The following ZRANB3 variants were observed in gnomAD, a reference collection of about 807,000 sequenced individuals.
ZRANB3 encodes the protein zinc finger RANBP2-type containing 3.
A neutral mutation model predicts 133.8 loss-of-function variants in ZRANB3; 125 were observed. That is an observed-to-expected ratio of 0.93 (90% CI 0.81 to 1.08). The LOEUF is 1.08. Ranked by LOEUF, ZRANB3 falls within the 50% of genes least tolerant of loss-of-function variation. The pLI, the probability that ZRANB3 is intolerant of heterozygous loss-of-function variation, is 0.00. For synonymous variants in ZRANB3, 387 were observed against 432.7 expected (o/e 0.89, Z 1.31); for missense variants, 1,229 against 1,275.5 (o/e 0.96, Z 0.56).
chr2:135,322,287 T>C (rs996958886), intron 6 of ZRANB3, among the ~76,000 whole-genome samples: 11 of 152,214 alleles, frequency 7.2e-5, no homozygotes, highest in African/African-American at 2.7e-4. Context: ...TTTTCTTCTT[T>C]TTCAAAGTTC....
At chr2:135,367,822 T>G (rs1350480966) in intron 3 of ZRANB3, among the ~76,000 whole-genome samples, 1 of 152,172 alleles carries the variant, frequency 6.6e-6, no homozygotes, top group African/African-American at 2.4e-5. Context: ...GTCCCTTGTT[T>G]TCCCAATATA....
intron 2 of ZRANB3, among the ~76,000 whole-genome samples, chr2:135,424,848 C>T (rs1004090946): frequency 1.3e-5 from 2 of 152,218 alleles, no homozygotes; most frequent in African/African-American, 4.8e-5. Flanking sequence ...CCTAAAGCCA[C>T]TCCTACAAAA....
At chr2:135,353,325 C>A in intron 4 of ZRANB3, 125 bp downstream of exon 4, 1 of 536,128 alleles carries the variant, frequency 1.9e-6, no homozygotes, top group Non-Finnish European at 3.0e-6. Context: ...AAATAAAATT[C>A]TCCATACTAC....
At chr2:135,371,370 C>T (rs1193258719) in intron 3 of ZRANB3, among the ~76,000 whole-genome samples, 3 of 152,146 alleles carry the variant, frequency 2.0e-5, no homozygotes, top group Admixed American at 1.3e-4. Context: ...GCTATTAGTG[C>T]TTTGTGCTTT....
chr2:135,436,144 T>C (rs1373226160), intron 2 of ZRANB3, among the ~76,000 whole-genome samples: 1 of 152,210 alleles, frequency 6.6e-6, no homozygotes, highest in African/African-American at 2.4e-5. Flanking sequence ...TAATCTGCCT[T>C]GAGTTGATTT....
chr2:135,252,000 A>G lies in ZRANB3; in HGVS notation c.1539+13534T>C, dbSNP rs529733551. On this transcript the variant is annotated intron_variant, in intron 12 of 20. Coordinates refer to ENST00000264159, the MANE Select transcript of ZRANB3 (RefSeq NM_032143.4). The stretch of plus-strand genomic sequence containing the variant: ...CATTGAGCCTGGATCGTGCCACTGC[A>G]CTCCAGCCTGGCGACAGAGCAGGAT... Among the ~76,000 whole-genome samples, 373 of 152,312 alleles carry G rather than the reference A, an allele frequency of 2.4e-3. 1 individual carries two copies. Among genetic ancestry groups the G allele is most frequent in the African/African-American group, 8.8e-3 (364 of 41,556 alleles).
chr2:135,400,624 C>A (rs1468100713), intron 2 of ZRANB3, among the ~76,000 whole-genome samples: 2 of 152,154 alleles, frequency 1.3e-5, no homozygotes, highest in Admixed American at 6.6e-5. Flanking sequence ...GGCACTGTAC[C>A]AGAAACTTTC....
At chr2:135,309,482 A>G (rs1048176390) in intron 8 of ZRANB3, among the ~76,000 whole-genome samples, 1 of 152,182 alleles carries the variant, frequency 6.6e-6, no homozygotes, top group African/African-American at 2.4e-5. Flanking sequence ...AAATGATCCT[A>G]TATCTTCTAG....
chr2:135,345,571 CT>C lies in ZRANB3; in HGVS notation c.655del (p.Arg219AspfsTer31), dbSNP rs749795519. The C allele has an allele frequency of 6.2e-7, 1 of 1,612,510 alleles. No individual in the cohort carries two copies. The highest frequency in any genetic ancestry group is 8.5e-7 in the Non-Finnish European group (1 of 1,179,216). ...TTACCTGATGTGTGCATTACAGTAT[CT>C]TTTTGCATAGTCGGTCCATCTTCCA... The part of the protein sequence containing the change: ...KFGRWTDYAK[R>X]YCNAHIRYFG... On this transcript the variant is annotated frameshift_variant, in exon 6 of 21. Transcript: ENST00000264159. LOFTEE classifies it high-confidence loss of function.
At chr2:135,507,937 CAAGAAAAGAAAGAA>C (rs142942513) in intron 1 of ZRANB3, among the ~76,000 whole-genome samples, 10,731 of 146,036 alleles carry the variant, frequency 0.073, 797 homozygotes, top group African/African-American at 0.2. Flanking sequence ...GAGACTCTAT[CAAGAAAAGAAAGAA>C]AAGAAAAGAA....
In ZRANB3 at chr2:135,205,509, C is replaced by T. The variant is rs758747531; in HGVS notation, c.3009+1925G>A. ...GACTACAGGTGCATGCTACCATACC[C>T]GGCTAATTGTTCTGGTTTTTTTCTT... On this transcript the variant is annotated intron_variant, in intron 19 of 20. Coordinates refer to ENST00000264159, the MANE Select transcript of ZRANB3 (RefSeq NM_032143.4). Among the ~76,000 whole-genome samples, 20 of 152,006 alleles carry T rather than the reference C, an allele frequency of 1.3e-4. 1 individual carries two copies. The highest frequency in any genetic ancestry group is 9.2e-4 in the Admixed American group (14 of 15,244).
intron 11 of ZRANB3, among the ~76,000 whole-genome samples, chr2:135,267,537 A>G (rs1171690812): frequency 6.6e-6 from 1 of 152,132 alleles, no homozygotes; most frequent in Non-Finnish European, 1.5e-5. Flanking sequence ...GTGGGGATTA[A>G]GTTTCAAAGT....
intron 3 of ZRANB3, among the ~76,000 whole-genome samples, chr2:135,370,467 T>C (rs1686128237): frequency 1.3e-5 from 2 of 152,172 alleles, no homozygotes; most frequent in Admixed American, 6.5e-5. Flanking sequence ...TCAGAATTAA[T>C]AGTCTCCAAT....
At chr2:135,231,571 G>C (rs1422427125) in intron 12 of ZRANB3, among the ~76,000 whole-genome samples, 3 of 152,022 alleles carry the variant, frequency 2.0e-5, no homozygotes, top group Non-Finnish European at 4.4e-5. Flanking sequence ...ACTAGCTTGG[G>C]CAACACGGTG....
chr2:135,267,610 C>A (rs1680310690), intron 11 of ZRANB3, among the ~76,000 whole-genome samples: 1 of 152,084 alleles, frequency 6.6e-6, no homozygotes, highest in Non-Finnish European at 1.5e-5. Context: ...TAATCCATTA[C>A]CCAGTCAATG....
chr2:135,469,244 GACACAC>G (rs149939641), intron 2 of ZRANB3, among the ~76,000 whole-genome samples: 32 of 147,836 alleles, frequency 2.2e-4, no homozygotes, highest in South Asian at 4.2e-4. Context: ...CATGCATGCA[GACACAC>G]ACACACACAC....
chr2:135,359,474 T>C (rs1366112070), intron 3 of ZRANB3, among the ~76,000 whole-genome samples: 1 of 150,338 alleles, frequency 6.7e-6, no homozygotes, highest in Non-Finnish European at 1.5e-5. Flanking sequence ...GTCCAACTAA[T>C]GGGGAAGCTG....
chr2:135,380,570 A>G (rs893323348), intron 3 of ZRANB3, among the ~76,000 whole-genome samples: 1 of 152,206 alleles, frequency 6.6e-6, no homozygotes, highest in African/African-American at 2.4e-5. Context: ...ACTACTGGTT[A>G]AATAGTGAAA....
chr2:135,353,430 T>TATTA lies in ZRANB3; in HGVS notation c.359+16_359+19dup, dbSNP rs746114754. On this transcript the variant is annotated intron_variant, in intron 4 of 20. Transcript: ENST00000264159. The stretch of plus-strand genomic sequence containing the variant: ...CACAAGGAAGACTTTTCTCCTTAAA[T>TATTA]ATTAAACAGTTGTTCTTACCTAACA... 1 of 1,530,768 alleles carries TATTA rather than the reference T, an allele frequency of 6.5e-7. No homozygotes were observed. Among genetic ancestry groups the TATTA allele is most frequent in the Non-Finnish European group, 8.8e-7 (1 of 1,138,938 alleles). The allele number at this position is 1,530,768 out of a possible 1,614,324, so 94.8% of individuals were successfully genotyped here.
Sources: gnomAD v4.1 joint callset for allele counts (sites outside exome capture counted in the v4.1 genomes callset) on GRCh38, gnomAD v4.1.1 for gene constraint, MANE v1.5 for transcripts, NCBI Gene and HGNC (gene_info 2026-07-23, HGNC 2026-07-21) for gene names.